The following STAU2 variants were observed in gnomAD, a reference collection of about 807,000 sequenced individuals.
STAU2 encodes the protein double-stranded RNA-binding protein Staufen homolog 2.
Under a neutral mutation model 65.9 loss-of-function variants are expected in STAU2, and 20 were observed. The ratio of observed to expected loss-of-function variants is 0.30; its 90% CI spans 0.21 to 0.44. The LOEUF (loss-of-function observed/expected upper bound fraction) is 0.44. Ranked by LOEUF, STAU2 falls within the 20% of genes least tolerant of loss-of-function variation. The pLI, the probability that STAU2 is intolerant of heterozygous loss-of-function variation, is 1.00. For missense variants in STAU2, 558 were observed against 683.9 expected, an observed-to-expected ratio of 0.82 and a Z score of 2.05; for synonymous variants, 232 against 233.9, an observed-to-expected ratio of 0.99 and a Z score of 0.07.
intron 13 of STAU2, among the ~76,000 whole-genome samples, chr8:73,546,531 AG>A (rs1806951607): frequency 6.6e-6 from 1 of 152,234 alleles, no homozygotes; most frequent in African/African-American, 2.4e-5. Context: ...GGGATATGTG[AG>A]TCCATCAATA....
intron 10 of STAU2, among the ~76,000 whole-genome samples, chr8:73,600,156 A>C (rs772247246): frequency 1.3e-5 from 2 of 152,166 alleles, no homozygotes; most frequent in Non-Finnish European, 2.9e-5. Context: ...TACAAACTTA[A>C]ACATAAACAA....
intron 13 of STAU2, among the ~76,000 whole-genome samples, chr8:73,519,952 ACT>A (rs1822953219): frequency 6.6e-6 from 1 of 152,070 alleles, no homozygotes; most frequent in Admixed American, 6.6e-5. Flanking sequence ...CAGAGTTTTA[ACT>A]CTCTCTTGGT....
At chr8:73,471,602 C>T (rs1227101252) in intron 13 of STAU2, among the ~76,000 whole-genome samples, 14 of 150,628 alleles carry the variant, frequency 9.3e-5, no homozygotes, top group African/African-American at 1.5e-4. Flanking sequence ...GTAAATCACC[C>T]GAGGTCAGGA....
chr8:73,452,859 C>T (rs1031824433), intron 13 of STAU2, among the ~76,000 whole-genome samples: 17 of 152,078 alleles, frequency 1.1e-4, no homozygotes, highest in African/African-American at 3.9e-4. Context: ...TTTATAGCAC[C>T]GTAAAGGTAC....
At chr8:73,438,272 G>A (rs539906033) in intron 13 of STAU2, among the ~76,000 whole-genome samples, 56 of 152,200 alleles carry the variant, frequency 3.7e-4, no homozygotes, top group Non-Finnish European at 6.5e-4. Context: ...CACGCTGGGC[G>A]CTAACAGACA....
intron 6 of STAU2, among the ~76,000 whole-genome samples, chr8:73,624,492 T>C (rs1221323032): frequency 2.0e-5 from 3 of 152,160 alleles, no homozygotes; most frequent in Non-Finnish European, 2.9e-5. Context: ...ACAAAGCACT[T>C]ACTATGTGCC....
At chr8:73,490,742 G>C (rs1209550092) in intron 13 of STAU2, among the ~76,000 whole-genome samples, 1 of 151,896 alleles carries the variant, frequency 6.6e-6, no homozygotes, top group African/African-American at 2.4e-5. Context: ...ACTTTATCCT[G>C]TTAAATTATT....
chr8:73,604,885 C>T (rs79614432), intron 9 of STAU2, among the ~76,000 whole-genome samples: 1,539 of 152,156 alleles, frequency 0.01, 20 homozygotes, highest in African/African-American at 0.031. Flanking sequence ...ATGGTACATC[C>T]TACCCCAATT....
intron 13 of STAU2, among the ~76,000 whole-genome samples, chr8:73,488,412 C>G (rs1042190433): frequency 6.6e-6 from 1 of 151,846 alleles, no homozygotes; most frequent in African/African-American, 2.4e-5. Context: ...CTTGCTGGTT[C>G]AAGGAAATAA....
intron 12 of STAU2, among the ~76,000 whole-genome samples, chr8:73,565,956 T>A (rs1351818492): frequency 1.3e-5 from 2 of 152,188 alleles, no homozygotes; most frequent in Non-Finnish European, 2.9e-5. Context: ...TGGATTTAAT[T>A]TTTTTAGTGG....
intron 12 of STAU2, among the ~76,000 whole-genome samples, chr8:73,580,693 G>A (rs968070480): frequency 6.6e-6 from 1 of 152,144 alleles, no homozygotes; most frequent in Non-Finnish European, 1.5e-5. Flanking sequence ...TTGTATTTAA[G>A]TGCCAATGAG....
At chr8:73,428,281 G>A (rs890796133) in intron 13 of STAU2, among the ~76,000 whole-genome samples, 35 of 152,168 alleles carry the variant, frequency 2.3e-4, no homozygotes, top group Admixed American at 1.3e-3. Context: ...TATCCATGTT[G>A]TTGCAAATGA....
At position 73,603,880 on chromosome 8, in the gene STAU2, G is replaced by A. The variant is rs572689805; in HGVS notation, c.892-17C>T. ...TGGTCCGGCCTAAAAATTAATTTAA[G>A]AAAAAGTTTTAAAATATGCTTGTGA... On this transcript the variant is annotated splice_polypyrimidine_tract_variant and intron_variant, in intron 9 of 14. Transcript: ENST00000524300. 6.4e-7 allele frequency: 1 copy of A among 1,572,744 alleles called. No individual in the cohort carries two copies. Among genetic ancestry groups the A allele is most frequent in the Non-Finnish European group, 8.6e-7 (1 of 1,166,128 alleles).
chr8:73,487,658 C>T (rs367951764), intron 13 of STAU2, among the ~76,000 whole-genome samples: 7 of 152,120 alleles, frequency 4.6e-5, no homozygotes, highest in African/African-American at 1.7e-4. Flanking sequence ...CTTGGGACAT[C>T]TTAAGAGCTT....
chr8:73,731,394 G>T (rs1428819413), intron 3 of STAU2, among the ~76,000 whole-genome samples: 1 of 151,980 alleles, frequency 6.6e-6, no homozygotes, highest in Admixed American at 6.6e-5. Flanking sequence ...TAGGACTGCT[G>T]GGCTCTGTTT....
intron 3 of STAU2, among the ~76,000 whole-genome samples, chr8:73,733,048 T>C (rs1806182453): frequency 6.6e-6 from 1 of 152,012 alleles, no homozygotes; most frequent in African/African-American, 2.4e-5. Context: ...CTTTTTTTTT[T>C]TTTTTAATAA....
chr8:73,659,617 G>T (rs1031758991), intron 6 of STAU2, among the ~76,000 whole-genome samples: 1 of 152,100 alleles, frequency 6.6e-6, no homozygotes, highest in African/African-American at 2.4e-5. Context: ...ACATTGCTAA[G>T]CAAGATTTTG....
chr8:73,708,006 T>A (rs894577303), intron 4 of STAU2, among the ~76,000 whole-genome samples: 1 of 152,080 alleles, frequency 6.6e-6, no homozygotes, highest in Non-Finnish European at 1.5e-5. Flanking sequence ...ATGCAAACAG[T>A]TCAACATGAT....
At chr8:73,613,620 C>T in intron 9 of STAU2, 124 bp downstream of exon 9, 1 of 634,200 alleles carries the variant, frequency 1.6e-6, no homozygotes, top group Non-Finnish European at 2.5e-6. Context: ...ACATGTCCTG[C>T]CCTCATTTCA....
Sources: allele counts gnomAD v4.1 joint callset (sites outside exome capture counted in the v4.1 genomes callset), GRCh38; gene constraint gnomAD v4.1.1; transcripts MANE v1.5; gene names NCBI Gene and HGNC (gene_info 2026-07-23, HGNC 2026-07-21).